RBFOX1: variants seen among roughly 807,000 people sequenced by gnomAD.
RBFOX1 encodes the protein RNA binding fox-1 homolog 1, also known as RNA binding protein fox-1 homolog 1.
In RBFOX1, 8 loss-of-function variants were observed where a neutral mutation model predicts 57.7. The ratio of observed to expected loss-of-function variants is 0.14; its 90% CI spans 0.08 to 0.25. RBFOX1 has a LOEUF of 0.25. Among genes scored for constraint, RBFOX1 ranks in the 10% least tolerant of loss-of-function variants. RBFOX1 has a pLI of 1.00. For missense variants in RBFOX1, 611 were observed against 548.5 expected, an observed-to-expected ratio of 1.11 and a Z score of -1.14; for synonymous variants, 326 against 222.4, an observed-to-expected ratio of 1.47 and a Z score of -4.15.
chr16:6,073,597 G>T (rs2095861623), intron 1 of RBFOX1, among the ~76,000 whole-genome samples: 1 of 152,158 alleles, frequency 6.6e-6, no homozygotes, highest in Non-Finnish European at 1.5e-5. Flanking sequence ...CGTTTTGGAA[G>T]TAAAATGACA....
chr16:6,875,652 C>G (rs1305339318), intron 3 of RBFOX1, among the ~76,000 whole-genome samples: 1 of 152,186 alleles, frequency 6.6e-6, no homozygotes, highest in African/African-American at 2.4e-5. Flanking sequence ...ATAATTTTAA[C>G]CTAGGAGAAG....
At chr16:5,497,842 G>A (rs2043054981) in intron 2 of RBFOX1, among the ~76,000 whole-genome samples, 1 of 152,168 alleles carries the variant, frequency 6.6e-6, no homozygotes, top group Non-Finnish European at 1.5e-5. Flanking sequence ...ATAACAAAGT[G>A]ATGAAATCAA....
intron 4 of RBFOX1, among the ~76,000 whole-genome samples, chr16:7,457,442 C>T (rs1012888936): frequency 2.0e-5 from 3 of 152,174 alleles, no homozygotes; most frequent in East Asian, 1.9e-4. Context: ...GAAAATCACA[C>T]GTACACGGAC....
intron 13 of RBFOX1, among the ~76,000 whole-genome samples, chr16:7,676,566 C>G (rs959911904): frequency 6.6e-6 from 1 of 152,306 alleles, no homozygotes; most frequent in African/African-American, 2.4e-5. Context: ...CTTATGACCG[C>G]TAACCTTTAA....
intron 3 of RBFOX1, among the ~76,000 whole-genome samples, chr16:5,791,607 A>T (rs1302681142): frequency 2.0e-5 from 3 of 152,272 alleles, no homozygotes; most frequent in East Asian, 1.9e-4. Context: ...AAGGGGTCTT[A>T]AGTTACTTGA....
chr16:7,260,237 A>G (rs1163061686), intron 4 of RBFOX1, among the ~76,000 whole-genome samples: 1 of 152,250 alleles, frequency 6.6e-6, no homozygotes, highest in African/African-American at 2.4e-5. Context: ...TATAGAACAA[A>G]TAAGACTGCA....
chr16:5,637,861 G>A (rs980246595), intron 3 of RBFOX1, among the ~76,000 whole-genome samples: 5 of 152,146 alleles, frequency 3.3e-5, no homozygotes, highest in East Asian at 1.9e-4. Context: ...CTCTCCTACC[G>A]CCTTAGGTGA....
chr16:5,938,998 A>G (rs987455033), intron 4 of RBFOX1, among the ~76,000 whole-genome samples: 23 of 152,326 alleles, frequency 1.5e-4, no homozygotes, highest in Middle Eastern at 3.4e-3. Context: ...CAAGGACAAA[A>G]AGCAAACAGC....
In RBFOX1 at chr16:5,314,821, A is replaced by C. The variant is rs1216856203; in HGVS notation, c.219+74716A>C. ...TGGCCTCATTTCTTTTAAAACCAGA[A>C]GATATTGGAAAAAAAAAAAAAAAGA... On this transcript the variant is annotated intron_variant, in intron 1 of 2. Transcript: ENST00000585867. Among the ~76,000 whole-genome samples, 6 of 129,810 alleles carry C rather than the reference A, an allele frequency of 4.6e-5. No individual in the cohort carries two copies. The East Asian group carries it at 9.8e-4, about 21-fold the overall frequency. 85.2% of individuals were successfully genotyped at this position (129,810 alleles called of 152,430 possible). A position where few individuals can be genotyped will look rare whatever the true frequency, so the allele number is the denominator to read the frequency against.
At chr16:5,935,087 C>T (rs1597855671) in intron 4 of RBFOX1, among the ~76,000 whole-genome samples, 1 of 152,192 alleles carries the variant, frequency 6.6e-6, no homozygotes, top group East Asian at 1.9e-4. Flanking sequence ...TGCCTTCAGC[C>T]AACTCTTTTA....
chr16:6,165,955 A>G (rs1366246717), intron 1 of RBFOX1, among the ~76,000 whole-genome samples: 1 of 152,140 alleles, frequency 6.6e-6, no homozygotes, highest in African/African-American at 2.4e-5. Context: ...CAACGATTTG[A>G]TTTGATGGGA....
chr16:5,639,589 A>T (rs535134969), intron 3 of RBFOX1, among the ~76,000 whole-genome samples: 1 of 152,166 alleles, frequency 6.6e-6, no homozygotes, highest in Non-Finnish European at 1.5e-5. Context: ...ATCACTCTCT[A>T]TCATCTCCTG....
At chr16:6,749,716 GCA>G (rs1210066692) in intron 3 of RBFOX1, among the ~76,000 whole-genome samples, 91 of 152,128 alleles carry the variant, frequency 6.0e-4, no homozygotes, top group African/African-American at 2.1e-3. Flanking sequence ...GAATTGCAGT[GCA>G]CAGATTCTTG....
At chr16:6,197,851 C>T (rs1420671317) in intron 1 of RBFOX1, among the ~76,000 whole-genome samples, 1 of 152,046 alleles carries the variant, frequency 6.6e-6, no homozygotes, top group East Asian at 1.9e-4. Flanking sequence ...CCTTCGTGTC[C>T]ATGAGTTTCC....
At chr16:6,291,444 C>A (rs910453465) in intron 1 of RBFOX1, among the ~76,000 whole-genome samples, 1 of 152,158 alleles carries the variant, frequency 6.6e-6, no homozygotes, top group African/African-American at 2.4e-5. Flanking sequence ...AGTTTACTTT[C>A]TTTCTTCCCT....
rs1598809590 is a variant in RBFOX1 at position 7,076,126 on chromosome 16, C to T, written c.27+24028C>T. Among the ~76,000 whole-genome samples, 3 of 151,486 alleles carry T rather than the reference C, an allele frequency of 2.0e-5. No individual in the cohort carries two copies. The South Asian group carries it at 6.3e-4, about 32-fold the overall frequency. ...GCGCGATCTCGGCTCACTGCAACCT[C>T]TGCCTCCCGGGTTCAAGTGATTCCC... On this transcript the variant is annotated intron_variant, in intron 4 of 15. Transcript: ENST00000550418.
chr16:5,663,277 C>G (rs1448800211), intron 3 of RBFOX1, among the ~76,000 whole-genome samples: 2 of 152,106 alleles, frequency 1.3e-5, no homozygotes, highest in Non-Finnish European at 2.9e-5. Context: ...GTGGCACGAA[C>G]ATGGCTCACT....
intron 3 of RBFOX1, among the ~76,000 whole-genome samples, chr16:5,802,917 T>G (rs186406028): frequency 9.2e-5 from 14 of 152,360 alleles, no homozygotes; most frequent in Admixed American, 2.0e-4. Flanking sequence ...TACTGAGCAT[T>G]TACTCCATTT....
Position 7,470,955 on chromosome 16 carries a change from A to G in RBFOX1, c.28-47192A>G, listed in dbSNP as rs200173163. On this transcript the variant is annotated intron_variant, in intron 4 of 15. Coordinates refer to ENST00000550418, the MANE Select transcript of RBFOX1 (RefSeq NM_018723.4). Reference sequence around the variant, plus strand: ...ATATTTTTATTTAGTGTTTCAGTAAATTAAATCAATGACAGTCTTTTCCAT... The same window carrying G: ...ATATTTTTATTTAGTGTTTCAGTAAGTTAAATCAATGACAGTCTTTTCCAT... Among the ~76,000 whole-genome samples, 5 of 152,114 alleles carry G rather than the reference A, an allele frequency of 3.3e-5. No homozygotes were observed. In the East Asian group the frequency reaches 9.7e-4, roughly 29 times the overall value.
Sources: allele counts gnomAD v4.1 joint callset (sites outside exome capture counted in the v4.1 genomes callset), GRCh38; gene constraint gnomAD v4.1.1; transcripts MANE v1.5; gene names NCBI Gene and HGNC (gene_info 2026-07-23, HGNC 2026-07-21).